The following MAGI2 variants were observed in gnomAD, a reference collection of about 807,000 sequenced individuals.
MAGI2 encodes the protein membrane-associated guanylate kinase, WW and PDZ domain-containing protein 2.
A neutral mutation model predicts 133.3 loss-of-function variants in MAGI2; 35 were observed. The observed-to-expected ratio is 0.26, with a 90% CI of 0.20 to 0.35. The LOEUF (loss-of-function observed/expected upper bound fraction) is 0.35. Among genes scored for constraint, MAGI2 ranks in the 10% least tolerant of loss-of-function variants. MAGI2 has a pLI of 1.00. For missense variants in MAGI2, 1,636 were observed against 1,863.4 expected (o/e 0.88, Z 2.25); for synonymous variants, 729 against 710.6 (o/e 1.03, Z -0.41).
intron 2 of MAGI2, among the ~76,000 whole-genome samples, chr7:78,762,913 A>G (rs1255446936): frequency 1.3e-5 from 2 of 152,230 alleles, no homozygotes; most frequent in African/African-American, 2.4e-5. Flanking sequence ...AACACAGTTT[A>G]GTTTGGTACA....
chr7:79,239,601 T>C (rs1415855683), intron 1 of MAGI2, among the ~76,000 whole-genome samples: 1 of 152,132 alleles, frequency 6.6e-6, no homozygotes, highest in African/African-American at 2.4e-5. Flanking sequence ...AAGAAAAAAT[T>C]CCACCCCCTG....
Position 78,019,633 on chromosome 7 carries a change from G to C in MAGI2, c.4050C>G (p.Pro1350=). The part of the protein sequence containing the change: ...AGRPASEARA[P]GLAAADAADA... ...CCGCCGCGTCTGCCGCCGCGAGCCC[G>C]GGCGCCCTGGCCTCCGAGGCGGGCC... Residue 1350 remains proline (P), a synonymous_variant, in exon 22 of 22, where the codon CCC becomes CCG. Transcript: ENST00000354212. 2 of 1,029,236 alleles carry C rather than the reference G, an allele frequency of 1.9e-6. No individual in the cohort carries two copies. The highest frequency in any genetic ancestry group is 5.8e-5 in the Admixed American group (1 of 17,216). 63.8% of individuals were successfully genotyped at this position (1,029,236 alleles called of 1,614,324 possible). A position where few individuals can be genotyped will look rare whatever the true frequency, so the allele number is the denominator to read the frequency against.
At chr7:78,153,801 T>C (rs1824122887) in intron 16 of MAGI2, among the ~76,000 whole-genome samples, 1 of 152,220 alleles carries the variant, frequency 6.6e-6, no homozygotes, top group African/African-American at 2.4e-5. Context: ...TGGAAGAGGA[T>C]GTAAAGACCA....
chr7:78,229,565 C>T (rs1789745235), intron 10 of MAGI2, among the ~76,000 whole-genome samples: 1 of 152,206 alleles, frequency 6.6e-6, no homozygotes, highest in African/African-American at 2.4e-5. Flanking sequence ...TGGCACTGTG[C>T]TAGGTCAGGA....
chr7:79,443,129 G>A (rs189480890), intron 1 of MAGI2, among the ~76,000 whole-genome samples: 56 of 152,026 alleles, frequency 3.7e-4, no homozygotes, highest in African/African-American at 5.3e-4. Flanking sequence ...AAAATTAGCC[G>A]GGTGTGATGG....
chr7:78,447,092 A>G (rs1584167485), intron 6 of MAGI2, among the ~76,000 whole-genome samples: 1 of 152,188 alleles, frequency 6.6e-6, no homozygotes, highest in South Asian at 2.1e-4. Context: ...GTATATTCAA[A>G]TACAGGATAA....
At chr7:79,348,862 G>A (rs1841496477) in intron 1 of MAGI2, among the ~76,000 whole-genome samples, 1 of 151,782 alleles carries the variant, frequency 6.6e-6, no homozygotes, top group East Asian at 1.9e-4. Context: ...ATTAATCACT[G>A]TGCTCTCTTC....
chr7:78,916,792 C>T (rs1798833459), intron 2 of MAGI2, among the ~76,000 whole-genome samples: 1 of 152,108 alleles, frequency 6.6e-6, no homozygotes. Context: ...GGAAATAATG[C>T]AGGCTCTTTT....
chr7:78,130,963 T>G (rs1821499671), intron 18 of MAGI2, among the ~76,000 whole-genome samples: 2 of 152,182 alleles, frequency 1.3e-5, no homozygotes, highest in Non-Finnish European at 2.9e-5. Flanking sequence ...CTCAGAGCTA[T>G]AGCACACCAG....
intron 2 of MAGI2, among the ~76,000 whole-genome samples, chr7:78,773,398 C>A (rs1825742095): frequency 6.6e-6 from 1 of 152,016 alleles, no homozygotes; most frequent in Non-Finnish European, 1.5e-5. Context: ...TTTCAAAATG[C>A]CTTCCATTAC....
chr7:78,158,374 C>G (rs1013563173), intron 16 of MAGI2: 1 of 152,158 alleles, frequency 6.6e-6, no homozygotes, highest in Non-Finnish European at 1.5e-5. Flanking sequence ...GGAAAAACAA[C>G]CAAGGAAGCC....
At chr7:79,046,283 T>C (rs1812175901) in intron 1 of MAGI2, among the ~76,000 whole-genome samples, 1 of 152,084 alleles carries the variant, frequency 6.6e-6, no homozygotes. Context: ...GGTAATCCAA[T>C]CTGACTGATG....
intron 9 of MAGI2, among the ~76,000 whole-genome samples, chr7:78,341,880 C>T (rs187030588): frequency 4.5e-4 from 68 of 152,240 alleles, no homozygotes; most frequent in African/African-American, 1.5e-3. Context: ...CAGGCAATAC[C>T]ATTCAGGACA....
intron 2 of MAGI2, among the ~76,000 whole-genome samples, chr7:78,652,989 C>T (rs185237438): frequency 6.6e-6 from 1 of 151,568 alleles, no homozygotes; most frequent in African/African-American, 2.4e-5. Flanking sequence ...TGAACAGACA[C>T]TTCTCAGAGG....
chr7:78,566,596 C>T (rs974001198), intron 3 of MAGI2, among the ~76,000 whole-genome samples: 6 of 150,320 alleles, frequency 4.0e-5, no homozygotes, highest in South Asian at 2.1e-4. Context: ...CAGGTACATA[C>T]TCAGAGGTCA....
intron 2 of MAGI2, among the ~76,000 whole-genome samples, chr7:78,634,374 C>G (rs1809398421): frequency 6.6e-6 from 1 of 152,172 alleles, no homozygotes; most frequent in African/African-American, 2.4e-5. Flanking sequence ...ATTTTACCTG[C>G]AGGCATAGCA....
intron 4 of MAGI2, among the ~76,000 whole-genome samples, chr7:78,502,548 A>G (rs929974256): frequency 1.3e-5 from 2 of 149,142 alleles, no homozygotes; most frequent in African/African-American, 4.9e-5. Flanking sequence ...CCACCTTCAC[A>G]TAACTTTCAT....
At chr7:79,126,627 A>AT (rs1820428607) in intron 1 of MAGI2, among the ~76,000 whole-genome samples, 1 of 152,092 alleles carries the variant, frequency 6.6e-6, no homozygotes, top group South Asian at 2.1e-4. Flanking sequence ...TTAATAGTCT[A>AT]CTTTGAGTTG....
Position 79,221,259 on chromosome 7 carries a change from C to A in MAGI2, c.302-214053G>T, listed in dbSNP as rs148830701. Among the ~76,000 whole-genome samples the A allele has an allele frequency of 3.9e-4, 59 of 152,168 alleles. No individual in the cohort carries two copies. The East Asian group carries it at 0.011, about 28-fold the overall frequency. ...TTTAAATTAGAAAATTATTTCCATG[C>A]ATTACCTTTTATAAGAAATGTGGAT... On this transcript the variant is annotated intron_variant, in intron 1 of 21. Transcript: ENST00000354212.
Sources: allele counts gnomAD v4.1 joint callset (sites outside exome capture counted in the v4.1 genomes callset), GRCh38; gene constraint gnomAD v4.1.1; transcripts MANE v1.5; gene names NCBI Gene and HGNC (gene_info 2026-07-23, HGNC 2026-07-21).